The following PTPN4 variants were observed in gnomAD, a reference collection of about 807,000 sequenced individuals.
PTPN4 encodes protein tyrosine phosphatase non-receptor type 4, also known as tyrosine-protein phosphatase non-receptor type 4.
In PTPN4, 49 loss-of-function variants were observed where a neutral mutation model predicts 135.5. The ratio of observed to expected loss-of-function variants is 0.36; its 90% CI spans 0.29 to 0.46. The LOEUF is 0.46. Ranked by LOEUF, PTPN4 falls within the 20% of genes least tolerant of loss-of-function variation. The probability of loss-of-function intolerance (pLI) is 1.00; values close to 1 mark genes in which losing one functional copy is unlikely to be tolerated. For synonymous variants in PTPN4, 333 were observed against 369.9 expected (o/e 0.90, Z 1.14); for missense variants, 860 against 1,101.0 (o/e 0.78, Z 3.10).
At chr2:119,784,974 A>G (rs549559420) in intron 1 of PTPN4, among the ~76,000 whole-genome samples, 7 of 151,854 alleles carry the variant, frequency 4.6e-5, no homozygotes, top group Non-Finnish European at 8.8e-5. Context: ...AGGAAAAGAA[A>G]CACCTCTAAA....
At chr2:119,923,581 T>C (rs905655926) in intron 12 of PTPN4, among the ~76,000 whole-genome samples, 3 of 152,038 alleles carry the variant, frequency 2.0e-5, no homozygotes, top group Non-Finnish European at 4.4e-5. Context: ...TCCAGGACCT[T>C]CCTGAAAACA....
chr2:119,832,057 T>C (rs1291598137), intron 2 of PTPN4, among the ~76,000 whole-genome samples: 1 of 152,206 alleles, frequency 6.6e-6, no homozygotes, highest in African/African-American at 2.4e-5. Context: ...TGAGAATAGC[T>C]CATAGAAAGC....
intron 3 of PTPN4, among the ~76,000 whole-genome samples, chr2:119,872,262 T>G (rs115852131): frequency 0.012 from 1,785 of 152,252 alleles, 33 homozygotes; most frequent in African/African-American, 0.038. Flanking sequence ...CAGAATTACT[T>G]TATTTGGGAG....
At chr2:119,772,130 C>T (rs976647763) in intron 1 of PTPN4, among the ~76,000 whole-genome samples, 6 of 152,168 alleles carry the variant, frequency 3.9e-5, no homozygotes, top group African/African-American at 9.6e-5. Context: ...GTTTCATTTG[C>T]ATTGAAATAA....
chr2:119,967,744 C>A, intron 25 of PTPN4, 93 bp from the exon 26 acceptor site: 1 of 1,009,096 alleles, frequency 9.9e-7, no homozygotes, highest in East Asian at 2.7e-5. Context: ...TGATATTGTT[C>A]TTCTGTGTTA....
At chr2:119,822,578 C>T (rs1266409570) in intron 2 of PTPN4, among the ~76,000 whole-genome samples, 3 of 152,086 alleles carry the variant, frequency 2.0e-5, no homozygotes, top group African/African-American at 2.4e-5. Flanking sequence ...AGGTTGGTCT[C>T]GATCTCCTCA....
chr2:119,864,010 C>T (rs1468085076), intron 3 of PTPN4, among the ~76,000 whole-genome samples: 1 of 152,094 alleles, frequency 6.6e-6, no homozygotes, highest in African/African-American at 2.4e-5. Flanking sequence ...AGGTTGAGGA[C>T]CTCAGCCCAG....
At chr2:119,927,401 C>T (rs1346488251) in intron 13 of PTPN4, among the ~76,000 whole-genome samples, 2 of 152,070 alleles carry the variant, frequency 1.3e-5, no homozygotes, top group African/African-American at 4.8e-5. Flanking sequence ...CATGAGCCAC[C>T]ACTCCCGACC....
chr2:119,891,110 A>T (rs533843908), intron 9 of PTPN4, among the ~76,000 whole-genome samples: 7 of 152,150 alleles, frequency 4.6e-5, no homozygotes, highest in Non-Finnish European at 1.0e-4. Flanking sequence ...AGTAACATGT[A>T]AATTTGGTCA....
chr2:119,844,812 G>A (rs1677461136), intron 2 of PTPN4, among the ~76,000 whole-genome samples: 1 of 145,242 alleles, frequency 6.9e-6, no homozygotes, highest in African/African-American at 2.6e-5. Context: ...CAGACGATGG[G>A]CGGCCAGGCA....
chr2:119,895,906 G>T (rs993294589), intron 9 of PTPN4, among the ~76,000 whole-genome samples: 4 of 139,920 alleles, frequency 2.9e-5, no homozygotes, highest in Non-Finnish European at 3.0e-5. Context: ...AATAGAGCCA[G>T]ACTCTGTCTC....
intron 1 of PTPN4, among the ~76,000 whole-genome samples, chr2:119,760,995 GTGGAAGATTTTATGTC>G (rs1690482306): frequency 6.6e-6 from 1 of 152,082 alleles, no homozygotes; most frequent in Admixed American, 6.5e-5. Context: ...AAAACTTAGG[GTGGAAGATTTTATGTC>G]TGGGCTTGCA....
chr2:119,898,110 T>G (rs1308379446), intron 9 of PTPN4, among the ~76,000 whole-genome samples: 1 of 152,182 alleles, frequency 6.6e-6, no homozygotes, highest in Non-Finnish European at 1.5e-5. Flanking sequence ...TAACTGGTCC[T>G]TTTCCACATG....
intron 2 of PTPN4, among the ~76,000 whole-genome samples, chr2:119,847,328 A>ATATATATATT (rs1257711116): frequency 1.9e-5 from 2 of 102,752 alleles, no homozygotes; most frequent in East Asian, 2.4e-4. Context: ...ATATATATAT[A>ATATATATATT]TTTTTTTTTT....
intron 1 of PTPN4, among the ~76,000 whole-genome samples, chr2:119,797,931 T>G (rs947750135): frequency 6.6e-6 from 1 of 152,150 alleles, no homozygotes; most frequent in Admixed American, 6.5e-5. Context: ...ATCATTTATG[T>G]TCAACTCTTC....
At chr2:119,946,292 A>G (rs1350501363) in intron 16 of PTPN4, 49 bp from the exon 17 acceptor site, 1 of 1,374,692 alleles carries the variant, frequency 7.3e-7, no homozygotes, top group Non-Finnish European at 1.0e-6. Context: ...TCTGAAGAAT[A>G]GATTTTAAGT....
chr2:119,984,294 AT>A lies in PTPN4; in HGVS notation c.*7234del, dbSNP rs914460858. Among the ~76,000 whole-genome samples, 61 of 150,204 alleles carry A rather than the reference AT, an allele frequency of 4.1e-4. No homozygotes were observed. The highest frequency in any genetic ancestry group is 7.8e-4 in the African/African-American group (32 of 41,022). On this transcript the variant is annotated 3_prime_UTR_variant, in exon 27 of 27. Coordinates refer to ENST00000263708, the MANE Select transcript of PTPN4 (RefSeq NM_002830.4). ...TATGTGGAGGGTGTTTTAATTTGGGATTTTTTTTTTCTTGTAACAGGTGCTA... is the reference window on the plus strand; with the variant it reads ...TATGTGGAGGGTGTTTTAATTTGGGATTTTTTTTTCTTGTAACAGGTGCTA...
chr2:119,892,706 T>A, intron 9 of PTPN4, among the ~76,000 whole-genome samples: 1 of 143,712 alleles, frequency 7.0e-6, no homozygotes, highest in East Asian at 2.0e-4. Flanking sequence ...CTTTTAAGAC[T>A]TTTTTTTTTT....
chr2:119,760,446 C>A, intron 1 of PTPN4, 62 bp downstream of exon 1: 1 of 389,102 alleles, frequency 2.6e-6, no homozygotes, highest in Non-Finnish European at 4.5e-6. Flanking sequence ...GAGGCTCTTA[C>A]CTGCATGTGT....
Sources: allele counts gnomAD v4.1 joint callset (sites outside exome capture counted in the v4.1 genomes callset), GRCh38; gene constraint gnomAD v4.1.1; transcripts MANE v1.5; gene names NCBI Gene and HGNC (gene_info 2026-07-23, HGNC 2026-07-21).